Variants in EIF2AK3 observed in about 807,000 individuals in gnomAD.
EIF2AK3 encodes the protein eukaryotic translation initiation factor 2 alpha kinase 3.
EIF2AK3 carries 50 observed loss-of-function variants against 113.5 expected under a neutral mutation model. The ratio of observed to expected loss-of-function variants is 0.44; its 90% CI spans 0.35 to 0.56. The LOEUF is 0.56. EIF2AK3 is among the 20% of genes least tolerant of loss of function. The pLI, the probability that EIF2AK3 is intolerant of heterozygous loss-of-function variation, is 0.00. For missense variants in EIF2AK3, 1,185 were observed against 1,378.0 expected (o/e 0.86, Z 2.22); for synonymous variants, 448 against 495.4 (o/e 0.90, Z 1.27).
At position 88,576,657 on chromosome 2, in the gene EIF2AK3, T is replaced by A; in HGVS notation, c.1933A>T (p.Lys645Ter). 1 of 1,614,168 alleles carries A rather than the reference T, an allele frequency of 6.2e-7. No homozygotes were observed. Among genetic ancestry groups the A allele is most frequent in the Non-Finnish European group, 8.5e-7 (1 of 1,180,010 alleles). ...KVMREVKALA[K>*]LEHPGIVRYF... ...CTAACAATGCCCGGGTGTTCAAGCT[T>A]GGCTAAGGCTTTAACTTCTCGCATT... is the stretch of plus-strand genomic sequence containing the variant. Residue 645 changes from lysine (K) to a stop codon, truncating the protein, a stop_gained, in exon 12 of 17, where the codon AAG becomes TAG. Transcript: ENST00000303236. LOFTEE classifies it high-confidence loss of function.
chr2:88,593,860 G>A, intron 3 of EIF2AK3: 4 of 998,592 alleles, frequency 4.0e-6, no homozygotes, highest in Non-Finnish European at 3.6e-6. Context: ...TTTCACTAAA[G>A]AAAAAAGGAA....
chr2:88,616,023 C>CTT (rs375374907), intron 1 of EIF2AK3, among the ~76,000 whole-genome samples: 8 of 149,106 alleles, frequency 5.4e-5, no homozygotes, highest in Non-Finnish European at 1.0e-4. Context: ...TCACCACGCT[C>CTT]TTTTTTTTTT....
Position 88,590,438 on chromosome 2 carries a change from C to T in EIF2AK3, c.1165+5G>A. 1 of 1,613,654 alleles carries T rather than the reference C, an allele frequency of 6.2e-7. No individual in the cohort carries two copies. Among genetic ancestry groups the T allele is most frequent in the Non-Finnish European group, 8.5e-7 (1 of 1,179,794 alleles). On this transcript the variant is annotated splice_donor_5th_base_variant and intron_variant, in intron 6 of 16. Coordinates refer to ENST00000303236, the MANE Select transcript of EIF2AK3 (RefSeq NM_004836.7). The stretch of plus-strand genomic sequence containing the variant: ...ACTATCGTTAGATAAGATACATTTA[C>T]TCACCCAAGTAAACACTGTTTTCTG...
intron 2 of EIF2AK3, among the ~76,000 whole-genome samples, chr2:88,605,464 C>A (rs1487845855): frequency 6.6e-6 from 1 of 152,048 alleles, no homozygotes; most frequent in East Asian, 1.9e-4. Flanking sequence ...AAAAACAAGG[C>A]CTCAAAACCA....
At chr2:88,571,191 T>C (rs1674299362) in intron 13 of EIF2AK3, 150 bp from the exon 14 acceptor site, 4 of 991,042 alleles carry the variant, frequency 4.0e-6, no homozygotes, top group Non-Finnish European at 6.1e-6. Context: ...AGGAAAATAG[T>C]GACAATTTTT....
chr2:88,590,149 C>T (rs575157320), intron 6 of EIF2AK3, among the ~76,000 whole-genome samples: 2 of 152,182 alleles, frequency 1.3e-5, no homozygotes, highest in African/African-American at 2.4e-5. Context: ...GCAGGAGAAT[C>T]GCTTGAACCC....
intron 2 of EIF2AK3, among the ~76,000 whole-genome samples, chr2:88,606,161 G>A (rs1482680807): frequency 6.6e-6 from 1 of 151,940 alleles, no homozygotes; most frequent in Non-Finnish European, 1.5e-5. Flanking sequence ...AATGCCTCAA[G>A]GGAAACTACC....
intron 1 of EIF2AK3, among the ~76,000 whole-genome samples, chr2:88,619,934 C>T (rs867888492): frequency 5.0e-5 from 7 of 140,050 alleles, no homozygotes; most frequent in South Asian, 4.5e-4. Flanking sequence ...CCAGCCTGCA[C>T]GACAGAGCGA....
At chr2:88,618,958 G>A (rs562760483) in intron 1 of EIF2AK3, among the ~76,000 whole-genome samples, 1 of 151,040 alleles carries the variant, frequency 6.6e-6, no homozygotes, top group Non-Finnish European at 1.5e-5. Context: ...TTCTTTCCTG[G>A]TTTCTACAGG....
At chr2:88,593,459 A>C in intron 3 of EIF2AK3, 54 bp from the exon 4 acceptor site, 2 of 1,594,140 alleles carry the variant, frequency 1.3e-6, no homozygotes, top group South Asian at 1.1e-5. Context: ...CTCATAATAG[A>C]TCAGAGATAT....
At chr2:88,571,955 GTCTAC>G (rs2104405193) in intron 13 of EIF2AK3, among the ~76,000 whole-genome samples, 1 of 152,196 alleles carries the variant, frequency 6.6e-6, no homozygotes, top group Non-Finnish European at 1.5e-5. Flanking sequence ...CTCCCTCAGA[GTCTAC>G]TCTACTCTGC....
chr2:88,557,430 A>G lies in EIF2AK3; in HGVS notation c.*306T>C. ...ATATCCATTTTAGTTCTCACTATAT[A>G]TATATATTAGGGATTGCTGCTACCT... is the stretch of plus-strand genomic sequence containing the variant. On this transcript the variant is annotated 3_prime_UTR_variant, in exon 17 of 17. Transcript: ENST00000303236. 5.1e-6 allele frequency: 2 copies of G among 392,406 alleles called. No individual in the cohort carries two copies. Among genetic ancestry groups the G allele is most frequent in the Admixed American group, 3.7e-5 (1 of 27,076 alleles). The allele number at this position is 392,406 out of a possible 1,614,324, so 24.3% of individuals were successfully genotyped here.
chr2:88,607,464 A>G (rs1325096467), intron 2 of EIF2AK3, among the ~76,000 whole-genome samples: 2 of 152,188 alleles, frequency 1.3e-5, no homozygotes, highest in Non-Finnish European at 2.9e-5. Flanking sequence ...ACACACAAAC[A>G]TGCACCTTAA....
chr2:88,562,624 T>C (rs1418208608), intron 14 of EIF2AK3, among the ~76,000 whole-genome samples: 1 of 152,228 alleles, frequency 6.6e-6, no homozygotes, highest in Non-Finnish European at 1.5e-5. Context: ...CTCTGAGATA[T>C]GCATCAGTAA....
At position 88,561,837 on chromosome 2, in the gene EIF2AK3, C is replaced by T. The variant is rs550388622; in HGVS notation, c.3087+452G>A. Among the ~76,000 whole-genome samples the T allele has an allele frequency of 1.1e-4, 17 of 151,942 alleles. No homozygotes were observed. The East Asian group carries it at 2.9e-3, about 26-fold the overall frequency. ...TCACACCACTGCACTCCAGCCTGAG[C>T]GACAGAGCAAGACCTTGCCTTGAGA... On this transcript the variant is annotated intron_variant, in intron 15 of 16. Transcript: ENST00000303236.
At chr2:88,591,991 A>C (rs1030007219) in intron 4 of EIF2AK3, among the ~76,000 whole-genome samples, 1 of 152,234 alleles carries the variant, frequency 6.6e-6, no homozygotes, top group Non-Finnish European at 1.5e-5. Context: ...ATGCATTCTT[A>C]ACTGAGTTTG....
chr2:88,597,006 C>T (rs1294485518), intron 2 of EIF2AK3, among the ~76,000 whole-genome samples: 1 of 152,148 alleles, frequency 6.6e-6, no homozygotes, highest in Non-Finnish European at 1.5e-5. Flanking sequence ...TATCCAGGCT[C>T]AAAACTTTAG....
chr2:88,625,563 G>A (rs538460712), intron 1 of EIF2AK3, among the ~76,000 whole-genome samples: 2 of 152,266 alleles, frequency 1.3e-5, no homozygotes, highest in East Asian at 3.9e-4. Context: ...AGTCTGTAAT[G>A]TTGTTATAGG....
chr2:88,585,888 C>A lies in EIF2AK3; in HGVS notation c.1603G>T (p.Ala535Ser). 1 of 1,614,054 alleles carries A rather than the reference C, an allele frequency of 6.2e-7. No individual in the cohort carries two copies. Among genetic ancestry groups the A allele is most frequent in the Non-Finnish European group, 8.5e-7 (1 of 1,179,968 alleles). ...AGCCTGCGCACAATAAACGTTGTTG[C>A]TATGATACAAAACAAAATCGTTGCA... ...IVATILFCIIATTFIVRRLFH... is the reference protein window; with the variant it reads ...IVATILFCIISTTFIVRRLFH... Residue 535 changes from alanine (A) to serine (S), a missense_variant, in exon 9 of 17, where the codon GCA becomes TCA. This residue lies in a region of EIF2AK3 where 877 missense variants were observed against 1,024.2 expected (regional missense o/e 0.86). Coordinates refer to ENST00000303236, the MANE Select transcript of EIF2AK3 (RefSeq NM_004836.7).
Sources: gnomAD v4.1 joint callset for allele counts (sites outside exome capture counted in the v4.1 genomes callset) on GRCh38, gnomAD v4.1.1 for gene constraint, gnomAD v4.1.1 regional missense constraint, MANE v1.5 for transcripts, NCBI Gene and HGNC (gene_info 2026-07-23, HGNC 2026-07-21) for gene names.